The following SCN1A variants were observed in gnomAD, a reference collection of about 807,000 sequenced individuals.
SCN1A encodes sodium voltage-gated channel alpha subunit 1.
Under a neutral mutation model 193.7 loss-of-function variants are expected in SCN1A, and 13 were observed. The ratio of observed to expected loss-of-function variants is 0.07; its 90% CI spans 0.04 to 0.11. SCN1A has a LOEUF of 0.11. Among genes scored for constraint, SCN1A ranks in the 10% least tolerant of loss-of-function variants. The pLI is 1.00. For synonymous variants in SCN1A, 781 were observed against 843.6 expected, an observed-to-expected ratio of 0.93 and a Z score of 1.29; for missense variants, 1,432 against 2,451.1, an observed-to-expected ratio of 0.58 and a Z score of 8.78.
chr2:166,144,503 C>A (rs1300495058), intron 1 of SCN1A, among the ~76,000 whole-genome samples: 2 of 152,106 alleles, frequency 1.3e-5, no homozygotes, highest in Admixed American at 6.5e-5. Context: ...GTATTAAAAT[C>A]ATTCTATAAT....
chr2:166,124,419 C>T (rs1292782316), intron 2 of SCN1A, among the ~76,000 whole-genome samples: 5 of 151,914 alleles, frequency 3.3e-5, no homozygotes, highest in Non-Finnish European at 2.9e-5. Context: ...TGGTGACACT[C>T]GCCTGTAGTC....
rs546862184 is a variant in SCN1A at position 166,015,925 on chromosome 2, G to A, written c.3430-198C>T. ...TAACCCTTTTACCATAATTCACAAT[G>A]TAAGCTTGAAATCAGATTGCTATGT... On this transcript the variant is annotated intron_variant, in intron 19 of 28. Transcript: ENST00000674923. 6.7e-6 allele frequency: 4 copies of A among 592,652 alleles called. No individual in the cohort carries two copies. In the South Asian group the frequency reaches 7.9e-5, roughly 12 times the overall value. 36.7% of individuals were successfully genotyped at this position (592,652 alleles called of 1,614,324 possible). A position where few individuals can be genotyped will look rare whatever the true frequency, so the allele number is the denominator to read the frequency against.
intron 2 of SCN1A, among the ~76,000 whole-genome samples, chr2:166,113,798 C>T (rs921227817): frequency 4.6e-5 from 7 of 152,094 alleles, no homozygotes; most frequent in Non-Finnish European, 7.4e-5. Context: ...GATGGATGCA[C>T]TGAAGGCCGT....
At chr2:166,028,799 A>AACATAATAG (rs1158713945) in intron 19 of SCN1A, among the ~76,000 whole-genome samples, 1 of 152,166 alleles carries the variant, frequency 6.6e-6, no homozygotes, top group Non-Finnish European at 1.5e-5. Flanking sequence ...TAAAATAGTG[A>AACATAATAG]ACATAATAGA....
At chr2:166,097,209 A>G (rs925486110) in intron 2 of SCN1A, among the ~76,000 whole-genome samples, 7 of 152,158 alleles carry the variant, frequency 4.6e-5, no homozygotes, top group Non-Finnish European at 1.0e-4. Context: ...TTTAGTAGAC[A>G]CAGGGTTCCA....
chr2:166,055,745 C>T (rs1699067963), intron 6 of SCN1A, among the ~76,000 whole-genome samples: 1 of 151,886 alleles, frequency 6.6e-6, no homozygotes, highest in African/African-American at 2.4e-5. Context: ...TAGAGTAGCC[C>T]AACTTCAGTT....
intron 2 of SCN1A, among the ~76,000 whole-genome samples, chr2:166,119,839 A>C (rs1185694979): frequency 6.6e-6 from 1 of 152,108 alleles, no homozygotes; most frequent in Non-Finnish European, 1.5e-5. Flanking sequence ...TTAAAGATAC[A>C]ATGAGTATCT....
intron 25 of SCN1A, among the ~76,000 whole-genome samples, chr2:165,998,894 A>G (rs564268849): frequency 6.6e-6 from 1 of 151,600 alleles, no homozygotes; most frequent in South Asian, 2.1e-4. Flanking sequence ...ATTCAACATA[A>G]AACTAAAGCT....
intron 2 of SCN1A, among the ~76,000 whole-genome samples, chr2:166,111,914 T>G (rs1402837290): frequency 6.6e-6 from 1 of 152,170 alleles, no homozygotes; most frequent in Non-Finnish European, 1.5e-5. Context: ...ATTGCTGCAA[T>G]GTCATGATAA....
rs568185895 is a variant in SCN1A at position 166,015,719 on chromosome 2, A to G, written c.3438T>C (p.Asn1146=). The part of the protein sequence containing the change: ...SDLEESKEKL[N]ESSSSSEGST... The stretch of plus-strand genomic sequence containing the variant: ...TACCTTCTGATGAGCTACTGCTTTC[A>G]TTCAGTTTCTGTAAGTGAGATGGAC... Residue 1146 remains asparagine, a synonymous_variant, in exon 20 of 29, where the codon AAT becomes AAC. Coordinates refer to ENST00000674923, the MANE Select transcript of SCN1A (RefSeq NM_001165963.4). The G allele has an allele frequency of 6.2e-7, 1 of 1,612,648 alleles. No individual in the cohort carries two copies. Among genetic ancestry groups the G allele is most frequent in the Admixed American group, 1.7e-5 (1 of 59,960 alleles).
chr2:165,984,864 T>G (rs1036221598), downstream of SCN1A: 1 of 152,182 alleles, frequency 6.6e-6, no homozygotes, highest in Non-Finnish European at 1.5e-5. Context: ...ATAATGTTAC[T>G]GGGAAAGTTA....
chr2:166,038,192 G>T, intron 17 of SCN1A, 60 bp from the exon 18 acceptor site: 2 of 1,272,842 alleles, frequency 1.6e-6, no homozygotes, highest in Non-Finnish European at 2.2e-6. Flanking sequence ...TATATATTGA[G>T]CTTTACCTAG....
At chr2:166,095,217 A>G (rs950022117) in intron 2 of SCN1A, among the ~76,000 whole-genome samples, 4 of 152,186 alleles carry the variant, frequency 2.6e-5, no homozygotes, top group Non-Finnish European at 5.9e-5. Flanking sequence ...CTCTTTTCCA[A>G]GCTGAAAAAT....
chr2:166,020,948 C>T (rs951794866), intron 19 of SCN1A, among the ~76,000 whole-genome samples: 16 of 152,156 alleles, frequency 1.1e-4, no homozygotes, highest in Non-Finnish European at 5.9e-5. Context: ...CATTTTTATA[C>T]ATGTCATTTT....
At chr2:166,042,240 C>T in intron 15 of SCN1A, 52 bp downstream of exon 15, 1 of 1,560,546 alleles carries the variant, frequency 6.4e-7, no homozygotes, top group Non-Finnish European at 8.8e-7. Context: ...TGAAATGAGA[C>T]AATATAAGTT....
chr2:166,045,481 T>A (rs1697716388), intron 12 of SCN1A, among the ~76,000 whole-genome samples, 154 bp from the exon 13 acceptor site: 1 of 150,848 alleles, frequency 6.6e-6, no homozygotes, highest in South Asian at 2.1e-4. Context: ...AGAGGAGATT[T>A]TTTTTTTCTT....
intron 28 of SCN1A, chr2:165,993,823 A>G: frequency 2.7e-6 from 1 of 370,500 alleles, no homozygotes; most frequent in Non-Finnish European, 4.9e-6. Flanking sequence ...TCTTGTTAAC[A>G]GAACCATCTA....
intron 2 of SCN1A, chr2:166,092,800 A>C (rs1428543114): frequency 6.6e-6 from 1 of 152,238 alleles, no homozygotes; most frequent in Non-Finnish European, 1.5e-5. Flanking sequence ...TGATATTAAA[A>C]TAGTACCTTG....
intron 1 of SCN1A, among the ~76,000 whole-genome samples, chr2:166,146,083 A>G (rs1282985980): frequency 6.7e-6 from 1 of 149,556 alleles, no homozygotes; most frequent in Non-Finnish European, 1.5e-5. Context: ...CTAGGGACAG[A>G]CAGACACTGG....
Sources: gnomAD v4.1 joint callset for allele counts (sites outside exome capture counted in the v4.1 genomes callset) on GRCh38, gnomAD v4.1.1 for gene constraint, MANE v1.5 for transcripts, NCBI Gene and HGNC (gene_info 2026-07-23, HGNC 2026-07-21) for gene names.